Variants in CLNK observed in about 807,000 individuals in gnomAD.
The protein encoded by CLNK is cytokine-dependent hematopoietic cell linker.
A neutral mutation model predicts 68.6 loss-of-function variants in CLNK; 74 were observed. The observed-to-expected ratio is 1.08, with a 90% CI of 0.89 to 1.31. The LOEUF is 1.31. CLNK is among the 50% of genes most tolerant of loss of function. The probability of loss-of-function intolerance (pLI) is 0.00; values close to 1 mark genes in which losing one functional copy is unlikely to be tolerated. For missense variants in CLNK, 553 were observed against 515.3 expected (o/e 1.07, Z -0.71); for synonymous variants, 198 against 172.2 (o/e 1.15, Z -1.17).
At chr4:10,630,770 A>G (rs1198468586) in intron 2 of CLNK, among the ~76,000 whole-genome samples, 1 of 152,224 alleles carries the variant, frequency 6.6e-6, no homozygotes, top group African/African-American at 2.4e-5. Context: ...GCCATTACTT[A>G]TGAGGTACTT....
intron 5 of CLNK, among the ~76,000 whole-genome samples, chr4:10,568,747 C>A (rs1342496496): frequency 6.6e-6 from 1 of 152,122 alleles, no homozygotes; most frequent in Admixed American, 6.6e-5. Context: ...CTTCAGAGCC[C>A]CTGGAGGAGA....
chr4:10,578,445 T>C (rs1720653011), intron 4 of CLNK, among the ~76,000 whole-genome samples: 4 of 152,100 alleles, frequency 2.6e-5, no homozygotes, highest in Admixed American at 2.6e-4. Flanking sequence ...CCCCTTATCA[T>C]AAGATTTAAA....
intron 4 of CLNK, among the ~76,000 whole-genome samples, chr4:10,574,918 C>T (rs759769899): frequency 1.3e-5 from 2 of 152,136 alleles, no homozygotes; most frequent in African/African-American, 4.8e-5. Context: ...GACCCTCTCA[C>T]GCGGACCCCC....
intron 5 of CLNK, among the ~76,000 whole-genome samples, chr4:10,566,916 G>A (rs1720142276): frequency 6.6e-6 from 1 of 152,028 alleles, no homozygotes; most frequent in Admixed American, 6.6e-5. Flanking sequence ...TGCAAAATTT[G>A]TACACTGAAA....
At chr4:10,704,184 G>A in the CLNK span, among the ~76,000 whole-genome samples, 104 of 152,188 alleles carry the variant, frequency 6.8e-4, no homozygotes, top group Middle Eastern at 6.8e-3. Flanking sequence ...GAGGAGGAGA[G>A]AGAAAGAGAG....
At chr4:10,676,402 T>TTTTC (rs897915271) in intron 1 of CLNK, among the ~76,000 whole-genome samples, 3 of 151,014 alleles carry the variant, frequency 2.0e-5, no homozygotes, top group African/African-American at 7.3e-5. Context: ...TCTTTTTTTT[T>TTTTC]TTTTTTGAGG....
intron 6 of CLNK, among the ~76,000 whole-genome samples, chr4:10,565,558 A>G (rs750234764): frequency 1.3e-4 from 19 of 151,838 alleles, no homozygotes; most frequent in Admixed American, 3.9e-4. Flanking sequence ...CTGGCTGCAC[A>G]ATGAATTAAC....
At chr4:10,675,981 T>C (rs1724855391) in intron 1 of CLNK, among the ~76,000 whole-genome samples, 1 of 151,948 alleles carries the variant, frequency 6.6e-6, no homozygotes, top group Non-Finnish European at 1.5e-5. Context: ...ATATCCAAAA[T>C]GGTGAATGAT....
At chr4:10,580,058 C>G (rs1720719535) in intron 4 of CLNK, among the ~76,000 whole-genome samples, 1 of 152,148 alleles carries the variant, frequency 6.6e-6, no homozygotes. Context: ...TTCTTTCTTG[C>G]CTATTAAACT....
chr4:10,496,150 GA>G (rs1356477365), intron 18 of CLNK, among the ~76,000 whole-genome samples: 1 of 152,208 alleles, frequency 6.6e-6, no homozygotes, highest in Admixed American at 6.5e-5. Context: ...TAACTCCCAA[GA>G]GTTAGGCATT....
Position 10,502,533 on chromosome 4 carries a change from C to A in CLNK, c.985-1122G>T, listed in dbSNP as rs548336318. ...TCATGGAAAAGCTCTTCTCCTGCCC[C>A]CTTCTTGATGTATTCATCTCTCAAT... On this transcript the variant is annotated intron_variant, in intron 17 of 18. Transcript: ENST00000226951. 2.2e-4 allele frequency among the ~76,000 whole-genome samples: 33 copies of A among 151,956 alleles called. No homozygotes were observed. In the Middle Eastern group the frequency reaches 0.01, roughly 47 times the overall value.
chr4:10,576,719 C>A (rs970880526), intron 4 of CLNK, among the ~76,000 whole-genome samples: 1 of 152,184 alleles, frequency 6.6e-6, no homozygotes, highest in African/African-American at 2.4e-5. Flanking sequence ...TAAGGCAAAA[C>A]CTGAGCCCCA....
At chr4:10,530,714 A>G (rs550765623) in intron 12 of CLNK, among the ~76,000 whole-genome samples, 1 of 152,276 alleles carries the variant, frequency 6.6e-6, no homozygotes, top group African/African-American at 2.4e-5. Flanking sequence ...GGTCATCGTC[A>G]TCGTGAGCAG....
intron 2 of CLNK, among the ~76,000 whole-genome samples, chr4:10,651,224 T>C (rs1176817312): frequency 2.0e-5 from 3 of 152,244 alleles, no homozygotes; most frequent in Non-Finnish European, 2.9e-5. Context: ...TTACAAATCA[T>C]TCTACTATCA....
chr4:10,669,190 G>A (rs1724529683), intron 1 of CLNK, among the ~76,000 whole-genome samples: 1 of 152,164 alleles, frequency 6.6e-6, no homozygotes, highest in Admixed American at 6.5e-5. Flanking sequence ...TGTACTTTGT[G>A]CAAATATTGT....
At position 10,543,145 on chromosome 4, in the gene CLNK, G is replaced by C. The variant is rs11941134; in HGVS notation, c.446-865C>G. Among the ~76,000 whole-genome samples, 980 of 152,254 alleles carry C rather than the reference G, an allele frequency of 6.4e-3. 10 individuals are homozygous for C. The highest frequency in any genetic ancestry group is 0.022 in the African/African-American group (921 of 41,526). ...ATGTTGCCATAGGCTTTATACCTTA[G>C]TGGGTAGACCGGCATTGAAGGCATC... is the stretch of plus-strand genomic sequence containing the variant. On this transcript the variant is annotated intron_variant, in intron 8 of 18. Coordinates refer to ENST00000226951, the MANE Select transcript of CLNK (RefSeq NM_052964.4).
intron 6 of CLNK, among the ~76,000 whole-genome samples, 177 bp downstream of exon 6, chr4:10,565,831 CT>C (rs1186365159): frequency 6.6e-6 from 1 of 152,134 alleles, no homozygotes. Flanking sequence ...ATTATGAACC[CT>C]GTTTTCAGAA....
At chr4:10,520,750 T>G (rs901371570) in intron 15 of CLNK, 41 bp downstream of exon 15, 11 of 1,510,920 alleles carry the variant, frequency 7.3e-6, no homozygotes, top group Middle Eastern at 1.7e-4. Context: ...CACAGTATCG[T>G]GACTTACCTG....
chr4:10,632,517 T>G (rs2108869736), intron 2 of CLNK, among the ~76,000 whole-genome samples: 1 of 152,378 alleles, frequency 6.6e-6, no homozygotes, highest in Non-Finnish European at 1.5e-5. Context: ...TGTGGAATAT[T>G]CATTTCCTGT....
Sources: gnomAD v4.1 joint callset for allele counts (sites outside exome capture counted in the v4.1 genomes callset) on GRCh38, gnomAD v4.1.1 for gene constraint, MANE v1.5 for transcripts, NCBI Gene and HGNC (gene_info 2026-07-23, HGNC 2026-07-21) for gene names.